CFAP299: variants seen among roughly 807,000 people sequenced by gnomAD.
The protein encoded by CFAP299 is cilia- and flagella-associated protein 299.
CFAP299 carries 21 observed loss-of-function variants against 27.0 expected under a neutral mutation model. The observed-to-expected ratio is 0.78, with a 90% CI of 0.55 to 1.12. The LOEUF is 1.12. CFAP299 is among the 50% of genes most tolerant of loss of function. CFAP299 has a pLI of 0.00. For synonymous variants in CFAP299, 104 were observed against 98.1 expected (o/e 1.06, Z -0.36); for missense variants, 310 against 276.6 (o/e 1.12, Z -0.86).
chr4:80,528,864 A>G (rs940948052), intron 2 of CFAP299, among the ~76,000 whole-genome samples: 5 of 151,990 alleles, frequency 3.3e-5, no homozygotes, highest in Non-Finnish European at 7.4e-5. Context: ...CTACCTTCAT[A>G]TTTTATCTCT....
chr4:80,822,074 A>T (rs577197905), intron 3 of CFAP299, among the ~76,000 whole-genome samples: 1 of 152,180 alleles, frequency 6.6e-6, no homozygotes, highest in Non-Finnish European at 1.5e-5. Flanking sequence ...GACTTGGTGA[A>T]ATTAATTTTT....
intron 3 of CFAP299, among the ~76,000 whole-genome samples, chr4:80,618,373 C>T (rs1738405110): frequency 6.6e-6 from 1 of 152,024 alleles, no homozygotes; most frequent in South Asian, 2.1e-4. Context: ...TTTTCTCAAA[C>T]AATGAATACT....
chr4:80,531,759 T>TGGAGAGACTGATAAGATAGAAG, intron 2 of CFAP299, among the ~76,000 whole-genome samples: 1 of 127,524 alleles, frequency 7.8e-6, no homozygotes, highest in African/African-American at 3.1e-5. Context: ...TTTTTTTTTT[T>TGGAGAGACTGATAAGATAGAAG]TTTTTTTTTT....
chr4:80,479,982 G>T (rs953468311), intron 2 of CFAP299, among the ~76,000 whole-genome samples: 2 of 151,890 alleles, frequency 1.3e-5, no homozygotes, highest in African/African-American at 4.8e-5. Flanking sequence ...GCTAATGGTT[G>T]TATTCAAGTT....
At position 80,611,079 on chromosome 4, in the gene CFAP299, G is replaced by A. The variant is rs144154620; in HGVS notation, c.333+27896G>A. Among the ~76,000 whole-genome samples the A allele has an allele frequency of 5.1e-3, 770 of 152,182 alleles. 5 individuals carry two copies. The highest frequency in any genetic ancestry group is 0.021 in the Middle Eastern group (6 of 292). On this transcript the variant is annotated intron_variant, in intron 3 of 5. Coordinates refer to ENST00000358105, the MANE Select transcript of CFAP299 (RefSeq NM_152770.3). ...TGAGACAGTCATGTTATTCCTGTCA[G>A]ACTTTTCTTCCCTCATTCATCAGCT...
chr4:80,917,701 G>A (rs1735833075), intron 4 of CFAP299, among the ~76,000 whole-genome samples: 1 of 152,050 alleles, frequency 6.6e-6, no homozygotes, highest in Non-Finnish European at 1.5e-5. Context: ...TGAGCCTTTT[G>A]TATTTTGAGG....
At chr4:80,901,372 G>T (rs920640640) in intron 4 of CFAP299, among the ~76,000 whole-genome samples, 1 of 152,030 alleles carries the variant, frequency 6.6e-6, no homozygotes, top group Admixed American at 6.6e-5. Context: ...CATCTTCTTT[G>T]GGCAGATCAT....
intron 3 of CFAP299, among the ~76,000 whole-genome samples, chr4:80,860,652 T>A (rs1261595753): frequency 6.6e-6 from 1 of 152,206 alleles, no homozygotes; most frequent in African/African-American, 2.4e-5. Context: ...TGCAGGTCTG[T>A]TGGAGTTTGC....
At chr4:80,832,999 G>C (rs1730377524) in intron 3 of CFAP299, among the ~76,000 whole-genome samples, 1 of 152,060 alleles carries the variant, frequency 6.6e-6, no homozygotes, top group African/African-American at 2.4e-5. Context: ...TATTTAAAAA[G>C]AGTCTAAAGA....
At chr4:80,388,152 G>C in intron 2 of CFAP299, 3 of 668,388 alleles carry the variant, frequency 4.5e-6, no homozygotes, top group Non-Finnish European at 8.2e-6. Flanking sequence ...CTGTGGGGTG[G>C]AGGTGGTGAG....
At chr4:80,487,082 T>A (rs1242069221) in intron 2 of CFAP299, among the ~76,000 whole-genome samples, 1 of 152,230 alleles carries the variant, frequency 6.6e-6, no homozygotes, top group African/African-American at 2.4e-5. Flanking sequence ...ATATATTATA[T>A]TTAAAATACC....
At chr4:80,775,147 A>C (rs1021678949) in intron 3 of CFAP299, among the ~76,000 whole-genome samples, 3 of 151,844 alleles carry the variant, frequency 2.0e-5, no homozygotes, top group African/African-American at 7.2e-5. Context: ...TGCTTATTGC[A>C]AAACTAAGAC....
chr4:80,810,540 GA>G (rs796148470), intron 3 of CFAP299, among the ~76,000 whole-genome samples: 5 of 152,182 alleles, frequency 3.3e-5, no homozygotes, highest in African/African-American at 1.2e-4. Context: ...GAGAGACACA[GA>G]GAAGAATGCA....
chr4:80,831,211 G>A (rs1300207997), intron 3 of CFAP299, among the ~76,000 whole-genome samples: 1 of 152,058 alleles, frequency 6.6e-6, no homozygotes, highest in Non-Finnish European at 1.5e-5. Context: ...ACTGGAAATG[G>A]ATATTATATA....
At chr4:80,724,806 C>T (rs1198659441) in intron 3 of CFAP299, among the ~76,000 whole-genome samples, 1 of 151,818 alleles carries the variant, frequency 6.6e-6, no homozygotes, top group East Asian at 1.9e-4. Context: ...CTGGATGTTG[C>T]TTTCTTCCTT....
At chr4:80,352,018 A>G (rs1406716535) in intron 1 of CFAP299, among the ~76,000 whole-genome samples, 2 of 151,970 alleles carry the variant, frequency 1.3e-5, no homozygotes, top group East Asian at 3.8e-4. Context: ...TAATGTCTAT[A>G]TTAATATCAG....
intron 2 of CFAP299, among the ~76,000 whole-genome samples, chr4:80,442,728 CA>C (rs1275877263): frequency 6.6e-6 from 1 of 152,034 alleles, no homozygotes; most frequent in Non-Finnish European, 1.5e-5. Context: ...AAAAACCCTT[CA>C]AAAAATCAAT....
intron 2 of CFAP299, among the ~76,000 whole-genome samples, chr4:80,472,263 G>A (rs1730036145): frequency 6.6e-6 from 1 of 152,178 alleles, no homozygotes. Flanking sequence ...TAGATAGTAA[G>A]CGGGGAGGAG....
At chr4:80,779,636 C>A (rs1236889487) in intron 3 of CFAP299, among the ~76,000 whole-genome samples, 1 of 151,904 alleles carries the variant, frequency 6.6e-6, no homozygotes, top group African/African-American at 2.4e-5. Context: ...AGGCTGTGGT[C>A]TTCTTAACCT....
Sources: gnomAD v4.1 joint callset for allele counts (sites outside exome capture counted in the v4.1 genomes callset) on GRCh38, gnomAD v4.1.1 for gene constraint, MANE v1.5 for transcripts, NCBI Gene and HGNC (gene_info 2026-07-23, HGNC 2026-07-21) for gene names.